The following FGF12 variants were observed in gnomAD, a reference collection of about 807,000 sequenced individuals.
The protein encoded by FGF12 is fibroblast growth factor 12, also known as fibroblast growth factor 12B.
In FGF12, 14 loss-of-function variants were observed where a neutral mutation model predicts 23.6. That is an observed-to-expected ratio of 0.59 (90% CI 0.39 to 0.93). The LOEUF (loss-of-function observed/expected upper bound fraction) is 0.93, where lower values mean the gene tolerates loss of function less well. FGF12 is among the 40% of genes least tolerant of loss of function. The pLI is 0.00. For missense variants in FGF12, 175 were observed against 217.8 expected (o/e 0.80, Z 1.24); for synonymous variants, 62 against 77.3 (o/e 0.80, Z 1.04).
At chr3:192,650,053 T>A (rs970395205) in intron 2 of FGF12, among the ~76,000 whole-genome samples, 1 of 152,312 alleles carries the variant, frequency 6.6e-6, no homozygotes, top group Admixed American at 6.5e-5. Context: ...AGACTTCATG[T>A]AGGAAACAGT....
At chr3:192,486,136 A>G (rs915858665) in intron 2 of FGF12, among the ~76,000 whole-genome samples, 17 of 152,142 alleles carry the variant, frequency 1.1e-4, no homozygotes, top group Non-Finnish European at 1.0e-4. Context: ...CATCCAGGAC[A>G]TAAGCCTTTC....
At chr3:192,683,766 G>GAA (rs796329405) in intron 2 of FGF12, among the ~76,000 whole-genome samples, 6 of 152,270 alleles carry the variant, frequency 3.9e-5, no homozygotes, top group African/African-American at 1.4e-4. Flanking sequence ...TGGTCATCCA[G>GAA]AAAATTCATT....
intron 2 of FGF12, among the ~76,000 whole-genome samples, chr3:192,715,168 A>T (rs1381993500): frequency 6.6e-6 from 1 of 152,210 alleles, no homozygotes; most frequent in Non-Finnish European, 1.5e-5. Context: ...TTTTTTAAAG[A>T]TGATTACAGT....
chr3:192,271,103 T>C (rs904341290), intron 4 of FGF12, among the ~76,000 whole-genome samples: 2 of 152,178 alleles, frequency 1.3e-5, no homozygotes, highest in African/African-American at 4.8e-5. Context: ...TAAAAATCAT[T>C]AACTGTGGCA....
intron 4 of FGF12, among the ~76,000 whole-genome samples, chr3:192,311,237 A>T (rs1447080619): frequency 5.3e-5 from 8 of 152,094 alleles, no homozygotes; most frequent in Non-Finnish European, 4.4e-5. Context: ...CATCACCCCA[A>T]TTAATTTTAG....
chr3:192,693,066 C>A (rs1717998168), intron 2 of FGF12, among the ~76,000 whole-genome samples: 1 of 151,708 alleles, frequency 6.6e-6, no homozygotes, highest in South Asian at 2.1e-4. Context: ...GACTTCACAA[C>A]AAACTCTTAG....
intron 2 of FGF12, among the ~76,000 whole-genome samples, chr3:192,688,990 G>T (rs1056603597): frequency 1.3e-5 from 2 of 152,164 alleles, no homozygotes; most frequent in Non-Finnish European, 1.5e-5. Flanking sequence ...GCCAATCACA[G>T]AAAGACATAT....
At chr3:192,654,366 T>C (rs1022205046) in intron 2 of FGF12, among the ~76,000 whole-genome samples, 4 of 152,186 alleles carry the variant, frequency 2.6e-5, no homozygotes, top group Admixed American at 6.5e-5. Context: ...TTTTGAGAAA[T>C]AGAGTTTATC....
intron 2 of FGF12, among the ~76,000 whole-genome samples, chr3:192,606,051 C>T (rs1714324685): frequency 6.6e-6 from 1 of 152,098 alleles, no homozygotes; most frequent in African/African-American, 2.4e-5. Flanking sequence ...ATTATTCTAC[C>T]AAAAAGACCC....
chr3:192,354,645 TA>T (rs1168057032), intron 3 of FGF12, among the ~76,000 whole-genome samples: 1 of 152,054 alleles, frequency 6.6e-6, no homozygotes. Context: ...ACTCATAATT[TA>T]AAAAAAATTA....
intron 2 of FGF12, among the ~76,000 whole-genome samples, chr3:192,698,786 G>C (rs775301576): frequency 6.6e-6 from 1 of 152,038 alleles, no homozygotes; most frequent in African/African-American, 2.4e-5. Context: ...TGCCAATGAT[G>C]GTCAAATAGC....
intron 4 of FGF12, among the ~76,000 whole-genome samples, chr3:192,218,169 T>C (rs1718292869): frequency 1.3e-5 from 2 of 152,190 alleles, no homozygotes; most frequent in Non-Finnish European, 2.9e-5. Context: ...AATCACGTTC[T>C]ATTAATGGAT....
At chr3:192,366,462 G>A (rs1164215351) in intron 2 of FGF12, among the ~76,000 whole-genome samples, 1 of 152,156 alleles carries the variant, frequency 6.6e-6, no homozygotes, top group South Asian at 2.1e-4. Flanking sequence ...AACAATGGCT[G>A]TATATTGAAC....
intron 2 of FGF12, among the ~76,000 whole-genome samples, chr3:192,474,298 T>TGAA (rs1723254574): frequency 6.6e-6 from 1 of 152,202 alleles, no homozygotes. Context: ...CAGAATTTCT[T>TGAA]CCTCTACTTC....
At chr3:192,247,168 T>C (rs935172740) in intron 4 of FGF12, among the ~76,000 whole-genome samples, 1 of 151,960 alleles carries the variant, frequency 6.6e-6, no homozygotes, top group African/African-American at 2.4e-5. Context: ...TGATGTGCAA[T>C]GGTGCTAAGA....
intron 4 of FGF12, among the ~76,000 whole-genome samples, chr3:192,316,456 G>C (rs991144596): frequency 6.6e-6 from 1 of 152,174 alleles, no homozygotes; most frequent in Non-Finnish European, 1.5e-5. Flanking sequence ...TGTGTTTGGG[G>C]TAAGGAGAGT....
At chr3:192,212,001 T>C (rs190742339) in intron 4 of FGF12, among the ~76,000 whole-genome samples, 99 of 152,342 alleles carry the variant, frequency 6.5e-4, no homozygotes, top group Admixed American at 6.0e-3. Flanking sequence ...TTCTCCCAAA[T>C]AGCCCATTGT....
intron 2 of FGF12, among the ~76,000 whole-genome samples, chr3:192,582,576 A>G (rs1216455107): frequency 6.6e-6 from 1 of 152,162 alleles, no homozygotes; most frequent in East Asian, 1.9e-4. Context: ...GAGCAGTCCT[A>G]AGGGTCAGGA....
chr3:192,662,197 A>G (rs988144933), intron 2 of FGF12, among the ~76,000 whole-genome samples: 1 of 152,226 alleles, frequency 6.6e-6, no homozygotes, highest in Non-Finnish European at 1.5e-5. Context: ...TGCCTTCAAA[A>G]GAGAGTCACA....
Sources: gnomAD v4.1 joint callset for allele counts (sites outside exome capture counted in the v4.1 genomes callset) on GRCh38, gnomAD v4.1.1 for gene constraint, MANE v1.5 for transcripts, NCBI Gene and HGNC (gene_info 2026-07-23, HGNC 2026-07-21) for gene names.